The following COL9A1 variants were observed in gnomAD, a reference collection of about 807,000 sequenced individuals.
COL9A1 encodes the protein collagen alpha-1(IX) chain.
A neutral mutation model predicts 142.6 loss-of-function variants in COL9A1; 104 were observed. The ratio of observed to expected loss-of-function variants is 0.73; its 90% confidence interval spans 0.62 to 0.86. The LOEUF is 0.86. Among genes scored for constraint, COL9A1 ranks in the 40% least tolerant of loss-of-function variants. The probability of loss-of-function intolerance (pLI) is 0.00; values close to 1 mark genes in which losing one functional copy is unlikely to be tolerated. For synonymous variants in COL9A1, 466 were observed against 396.0 expected (o/e 1.18, Z -2.10); for missense variants, 1,210 against 1,176.6 (o/e 1.03, Z -0.42).
chr6:70,300,011 A>G (rs759997359), intron 4 of COL9A1, 32 bp downstream of exon 4: 6 of 1,599,754 alleles, frequency 3.8e-6, no homozygotes, highest in Non-Finnish European at 5.1e-6. Flanking sequence ...TTTGAGTCAG[A>G]TAATTAGATT....
At chr6:70,300,248 T>TAAA (rs371900114) in intron 3 of COL9A1, 61 bp downstream of exon 3, 3 of 1,325,518 alleles carry the variant, frequency 2.3e-6, no homozygotes, top group Non-Finnish European at 3.1e-6. Flanking sequence ...CTTTCCCAAA[T>TAAA]AAAAAAAAAA....
At chr6:70,241,606 C>A in intron 30 of COL9A1, 152 bp from the exon 31 acceptor site, 1 of 722,416 alleles carries the variant, frequency 1.4e-6, no homozygotes, top group Non-Finnish European at 2.4e-6. Flanking sequence ...GAATCAGGAC[C>A]AAAACATAAG....
At chr6:70,239,711 A>G (rs1770125774) in intron 32 of COL9A1, among the ~76,000 whole-genome samples, 1 of 152,264 alleles carries the variant, frequency 6.6e-6, no homozygotes, top group African/African-American at 2.4e-5. Flanking sequence ...AAGTCTACTA[A>G]ACCAAATATG....
Position 70,266,767 on chromosome 6 carries a change from G to T in COL9A1, c.1291C>A (p.His431Asn), listed in dbSNP as rs1411242839. ...CCAATTTCTCCTTTAGCCCCTTTAT[G>T]ACCCTAACAAATGCAAAATAAGTAA... ...GYPGLPGMRG[H>N]KGAKGEIGEP... is the part of the protein sequence containing the mutation. The change falls in exon 18 of 38, where the codon CAT (histidine) becomes AAT (asparagine). Residue 431 changes from histidine to asparagine, a missense_variant. Coordinates refer to ENST00000357250, the MANE Select transcript of COL9A1 (RefSeq NM_001851.6). 6 of 1,612,906 alleles carry T rather than the reference G, an allele frequency of 3.7e-6. No individual in the cohort carries two copies. Among genetic ancestry groups the T allele is most frequent in the South Asian group, 1.1e-5 (1 of 91,032 alleles).
At chr6:70,234,998 C>T in intron 33 of COL9A1, 58 bp from the exon 34 acceptor site, 1 of 1,607,912 alleles carries the variant, frequency 6.2e-7, no homozygotes, top group Non-Finnish European at 8.5e-7. Flanking sequence ...GTGCCTGCTT[C>T]ATACTCATAT....
At chr6:70,254,766 G>T in intron 24 of COL9A1, 197 bp downstream of exon 24, 1 of 693,018 alleles carries the variant, frequency 1.4e-6, no homozygotes, top group Non-Finnish European at 2.5e-6. Flanking sequence ...ATTTTACTGA[G>T]TTCCTGAAAC....
chr6:70,240,594 T>TATATAC lies in COL9A1; in HGVS notation c.2079+94_2079+95insGTATAT, dbSNP rs10587444. ...GAAAATAAGAATATATATATATATA[T>TATATAC]ACCAATTTTGAACTGTGTTAGAAGT... On this transcript the variant is annotated intron_variant, in intron 32 of 37. Transcript: ENST00000357250. The TATATAC allele has an allele frequency of 0.031, 19,585 of 641,454 alleles. 392 individuals are homozygous for TATATAC. The highest frequency in any genetic ancestry group is 0.039 in the Non-Finnish European group (14,502 of 372,856). 39.7% of individuals were successfully genotyped at this position (641,454 alleles called of 1,614,324 possible).
intron 28 of COL9A1, among the ~76,000 whole-genome samples, chr6:70,247,719 T>C (rs73747128): frequency 0.066 from 10,010 of 152,310 alleles, 363 homozygotes; most frequent in Non-Finnish European, 0.075. Flanking sequence ...CAAAGATATT[T>C]TTAAAATCTA....
chr6:70,274,831 G>T, intron 10 of COL9A1, 59 bp from the exon 11 acceptor site: 2 of 1,366,476 alleles, frequency 1.5e-6, no homozygotes, highest in Non-Finnish European at 2.1e-6. Flanking sequence ...AAACCACTAA[G>T]TAGAAAACTT....
chr6:70,284,645 A>G (rs1773371381), intron 5 of COL9A1, among the ~76,000 whole-genome samples: 1 of 152,192 alleles, frequency 6.6e-6, no homozygotes, highest in East Asian at 1.9e-4. Context: ...TCCTCAGGTG[A>G]CAAGGCAAAA....
intron 28 of COL9A1, among the ~76,000 whole-genome samples, chr6:70,244,103 C>G (rs1770440162): frequency 6.6e-6 from 1 of 152,216 alleles, no homozygotes; most frequent in African/African-American, 2.4e-5. Context: ...GGATTAAGAA[C>G]TGTTTGCCAG....
chr6:70,259,904 A>G (rs1299335254), intron 20 of COL9A1, among the ~76,000 whole-genome samples: 1 of 151,952 alleles, frequency 6.6e-6, no homozygotes, highest in East Asian at 1.9e-4. Context: ...TAAGTGTATA[A>G]CCCATGCTAA....
intron 28 of COL9A1, among the ~76,000 whole-genome samples, chr6:70,247,231 A>C (rs954695415): frequency 1.3e-5 from 2 of 152,242 alleles, no homozygotes; most frequent in African/African-American, 4.8e-5. Flanking sequence ...ACTTCTTTAT[A>C]AACAAGTACT....
At chr6:70,275,813 C>T (rs909450001) in intron 10 of COL9A1, among the ~76,000 whole-genome samples, 5 of 152,064 alleles carry the variant, frequency 3.3e-5, no homozygotes, top group African/African-American at 1.2e-4. Flanking sequence ...TTTCTATTAT[C>T]AAGATTTTGA....
At position 70,294,471 on chromosome 6, in the gene COL9A1, CA is replaced by C; in HGVS notation, c.391del (p.Trp131GlyfsTer14). The C allele has an allele frequency of 1.2e-6, 2 of 1,614,104 alleles. No individual in the cohort carries two copies. Among genetic ancestry groups the C allele is most frequent in the Non-Finnish European group, 1.7e-6 (2 of 1,179,968 alleles). ...CTTCCCAGAGGAATCCTGAATCTGC[CA>C]AATGTTCCAGTTCTTTTTGAGAGTG... ...GSTLKKNWNI[W>X]QIQDSSGKEQ... is the part of the protein sequence containing the mutation. On this transcript the variant is annotated frameshift_variant, in exon 5 of 38. Coordinates refer to ENST00000357250, the MANE Select transcript of COL9A1 (RefSeq NM_001851.6). LOFTEE classifies it high-confidence loss of function.
intron 28 of COL9A1, 52 bp downstream of exon 28, chr6:70,252,068 C>T: frequency 6.4e-7 from 1 of 1,567,836 alleles, no homozygotes; most frequent in Non-Finnish European, 8.8e-7. Flanking sequence ...GGAAGAACAT[C>T]CAGCAAAGTC....
At chr6:70,245,876 A>C (rs2127569585) in intron 28 of COL9A1, 1 of 152,182 alleles carries the variant, frequency 6.6e-6, no homozygotes, top group South Asian at 2.1e-4. Context: ...CATCACTTGA[A>C]CCCGGGAGGT....
chr6:70,272,324 AC>A (rs1772458950), intron 12 of COL9A1, among the ~76,000 whole-genome samples: 1 of 127,994 alleles, frequency 7.8e-6, no homozygotes, highest in Non-Finnish European at 1.7e-5. Context: ...ATTTTTCCAA[AC>A]TTTTTTTTTT....
intron 19 of COL9A1, chr6:70,261,060 G>A (rs1466137869): frequency 1.2e-4 from 26 of 215,620 alleles, no homozygotes; most frequent in Non-Finnish European, 1.9e-5. Flanking sequence ...TTCCTTCATG[G>A]CATGTAACCT....
Sources: gnomAD v4.1 joint callset for allele counts (sites outside exome capture counted in the v4.1 genomes callset) on GRCh38, gnomAD v4.1.1 for gene constraint, MANE v1.5 for transcripts, NCBI Gene and HGNC (gene_info 2026-07-23, HGNC 2026-07-21) for gene names.